CACNA2D3: variants seen among roughly 807,000 people sequenced by gnomAD.
CACNA2D3 encodes voltage-dependent calcium channel subunit alpha-2/delta-3.
In CACNA2D3, 60 loss-of-function variants were observed where a neutral mutation model predicts 160.6. That is an observed-to-expected ratio of 0.37 (90% CI 0.30 to 0.46). CACNA2D3 has a LOEUF of 0.46. Among genes scored for constraint, CACNA2D3 ranks in the 20% least tolerant of loss-of-function variants. The probability of loss-of-function intolerance (pLI) is 1.00; values close to 1 mark genes in which losing one functional copy is unlikely to be tolerated. For missense variants in CACNA2D3, 1,205 were observed against 1,365.0 expected (o/e 0.88, Z 1.85); for synonymous variants, 558 against 492.9 (o/e 1.13, Z -1.75).
intron 5 of CACNA2D3, among the ~76,000 whole-genome samples, chr3:54,553,054 A>AT (rs1702185677): frequency 6.6e-6 from 1 of 152,126 alleles, no homozygotes; most frequent in Non-Finnish European, 1.5e-5. Flanking sequence ...GTGGTTCAAC[A>AT]TTGGGCCATG....
chr3:54,933,458 A>G (rs528574307), intron 27 of CACNA2D3, among the ~76,000 whole-genome samples: 2 of 152,300 alleles, frequency 1.3e-5, no homozygotes, highest in South Asian at 2.1e-4. Context: ...CATCAGTTGG[A>G]AAAGGTACTT....
At position 54,138,828 on chromosome 3, in the gene CACNA2D3, A is replaced by G. The variant is rs116446440; in HGVS notation, c.204+15234A>G. ...ATGAAAAGGTGACTATTATATTTGC[A>G]TGTGTTTGTTTTTTGTTTTCTGAAG... On this transcript the variant is annotated intron_variant, in intron 2 of 37. Coordinates refer to ENST00000474759, the MANE Select transcript of CACNA2D3 (RefSeq NM_018398.3). Among the ~76,000 whole-genome samples, 704 of 152,292 alleles carry G rather than the reference A, an allele frequency of 4.6e-3. 10 individuals carry two copies. Among genetic ancestry groups the G allele is most frequent in the African/African-American group, 0.016 (676 of 41,568 alleles).
chr3:54,809,228 C>T (rs1703219656), intron 13 of CACNA2D3, among the ~76,000 whole-genome samples: 1 of 150,198 alleles, frequency 6.7e-6, no homozygotes, highest in Non-Finnish European at 1.5e-5. Flanking sequence ...GCTCTCATTT[C>T]TCTCTTTCTC....
Position 55,074,138 on chromosome 3 carries a change from G to T in CACNA2D3, c.3208G>T (p.Ala1070Ser). The T allele has an allele frequency of 6.2e-7, 1 of 1,613,832 alleles. No individual in the cohort carries two copies. Among genetic ancestry groups the T allele is most frequent in the African/African-American group, 1.3e-5 (1 of 75,006 alleles). The change falls in exon 38 of 38, where the codon GCG becomes TCG. Residue 1070 changes from alanine to serine, a missense_variant. Ala to Ser is a moderately conservative substitution (Grantham distance 99). Around this residue, in one of 3 missense-constraint regions of CACNA2D3, gnomAD observed 911 missense variants for 1,002.2 expected, o/e 0.91. Coordinates refer to ENST00000474759, the MANE Select transcript of CACNA2D3 (RefSeq NM_018398.3). ...GGAGAATGCAAGGGAGTGTGGGGGTGCGCCGAGTCTCCAAGCCCAGACAGT... is the reference window on the plus strand; with the variant it reads ...GGAGAATGCAAGGGAGTGTGGGGGTTCGCCGAGTCTCCAAGCCCAGACAGT... The part of the protein sequence containing the change: ...PEENARECGG[A>S]PSLQAQTVLL...
chr3:54,402,009 A>G (rs188844341), intron 4 of CACNA2D3, among the ~76,000 whole-genome samples: 1 of 152,300 alleles, frequency 6.6e-6, no homozygotes, highest in East Asian at 1.9e-4. Flanking sequence ...GGAGAGGGCA[A>G]AAGTCAAGAG....
chr3:55,026,224 T>C (rs1319298010), intron 35 of CACNA2D3, among the ~76,000 whole-genome samples: 1 of 152,134 alleles, frequency 6.6e-6, no homozygotes, highest in East Asian at 1.9e-4. Context: ...AGATGGCAAT[T>C]TGGCAGGTAA....
chr3:54,871,557 C>G lies in CACNA2D3; in HGVS notation c.1645C>G (p.Arg549Gly), dbSNP rs1553898213. 2 of 1,613,018 alleles carry G rather than the reference C, an allele frequency of 1.2e-6. No individual in the cohort carries two copies. The highest frequency in any genetic ancestry group is 2.2e-5 in the East Asian group (1 of 44,844). ...LRLLYEEGKK[R>G]RKPNYSSVDL... ...TTGCTAGTACGAAGAAGGAAAAAAG[C>G]GAAGGAAACCTAACTATAGTAGCGT... The change falls in exon 18 of 38, where the codon CGA becomes GGA. Residue 549 changes from arginine to glycine, a missense_variant. Arg to Gly is a moderately radical substitution (Grantham distance 125). Coordinates refer to ENST00000474759, the MANE Select transcript of CACNA2D3 (RefSeq NM_018398.3).
At chr3:54,149,267 G>GCACGCACA (rs1553735175) in intron 2 of CACNA2D3, among the ~76,000 whole-genome samples, 6 of 144,328 alleles carry the variant, frequency 4.2e-5, no homozygotes, top group African/African-American at 7.8e-5. Context: ...GGTCCCATGT[G>GCACGCACA]CACACACACA....
At chr3:54,832,716 G>GT (rs1703907466) in intron 14 of CACNA2D3, among the ~76,000 whole-genome samples, 1 of 152,200 alleles carries the variant, frequency 6.6e-6, no homozygotes, top group Non-Finnish European at 1.5e-5. Context: ...TTCCCAGCTA[G>GT]TTCTTCCTCT....
intron 11 of CACNA2D3, among the ~76,000 whole-genome samples, chr3:54,646,186 C>CCCTG (rs1559537958): frequency 1.5e-4 from 1 of 6,470 alleles, no homozygotes; most frequent in African/African-American, 4.0e-4. Context: ...CTCCCTCCCT[C>CCCTG]CTTCCTTGCT....
chr3:54,248,535 C>G (rs1702126752), intron 2 of CACNA2D3, among the ~76,000 whole-genome samples: 1 of 151,116 alleles, frequency 6.6e-6, no homozygotes, highest in Non-Finnish European at 1.5e-5. Context: ...GGCCCTAATC[C>G]TAATCCAGTA....
intron 5 of CACNA2D3, among the ~76,000 whole-genome samples, chr3:54,553,402 C>T (rs182263571): frequency 3.9e-5 from 6 of 152,260 alleles, no homozygotes; most frequent in African/African-American, 9.6e-5. Context: ...AAAACTCCTG[C>T]GTGGGCTCAA....
intron 4 of CACNA2D3, among the ~76,000 whole-genome samples, chr3:54,462,469 G>T (rs190703133): frequency 0.019 from 2,944 of 152,054 alleles, 73 homozygotes; most frequent in East Asian, 0.1. Flanking sequence ...CTGTATTGGG[G>T]GCATATATAT....
intron 34 of CACNA2D3, among the ~76,000 whole-genome samples, chr3:55,015,927 T>C (rs1046880673): frequency 6.6e-6 from 1 of 152,218 alleles, no homozygotes; most frequent in African/African-American, 2.4e-5. Flanking sequence ...CTGTTGGGCC[T>C]GGAGCACCTA....
At chr3:54,350,995 T>TTTTTTTTTTTTG (rs1698553226) in intron 3 of CACNA2D3, among the ~76,000 whole-genome samples, 1 of 119,276 alleles carries the variant, frequency 8.4e-6, no homozygotes, top group Non-Finnish European at 1.8e-5. Context: ...TGTTTTTTTT[T>TTTTTTTTTTTTG]TTTTTTTTTT....
At chr3:54,204,565 G>T (rs1008739898) in intron 2 of CACNA2D3, among the ~76,000 whole-genome samples, 1 of 152,136 alleles carries the variant, frequency 6.6e-6, no homozygotes, top group East Asian at 1.9e-4. Context: ...GGGAGGCCAA[G>T]GTGGGCGGAT....
intron 11 of CACNA2D3, among the ~76,000 whole-genome samples, chr3:54,719,163 C>CTTTTTTTT (rs527632302): frequency 1.8e-4 from 24 of 132,690 alleles, no homozygotes; most frequent in Admixed American, 3.0e-4. Context: ...CACTGGATTT[C>CTTTTTTTT]TTTTTTTTTT....
rs111514436 is a variant in CACNA2D3, at chr3:54,736,120, C to CATAT, written c.1168-16472_1168-16469dup. Among the ~76,000 whole-genome samples, 74 of 45,992 alleles carry CATAT rather than the reference C, an allele frequency of 1.6e-3. 9 individuals are homozygous for CATAT. Among genetic ancestry groups the CATAT allele is most frequent in the Admixed American group, 8.7e-3 (33 of 3,774 alleles). The allele number at this position is 45,992 out of a possible 152,430, so 30.2% of individuals were successfully genotyped here. A position where few individuals can be genotyped will look rare whatever the true frequency, so the allele number is the denominator to read the frequency against. On this transcript the variant is annotated intron_variant, in intron 11 of 37. Coordinates refer to ENST00000474759, the MANE Select transcript of CACNA2D3 (RefSeq NM_018398.3). ...ATATACATATATATGTATATATATA[C>CATAT]ATATATATATGTATATATATACACA...
chr3:54,467,140 A>ATACC (rs368311914), intron 4 of CACNA2D3, among the ~76,000 whole-genome samples: 1 of 152,188 alleles, frequency 6.6e-6, no homozygotes, highest in African/African-American at 2.4e-5. Context: ...AAAAGGATAC[A>ATACC]CATCATTGCG....
Sources: allele counts gnomAD v4.1 joint callset (sites outside exome capture counted in the v4.1 genomes callset), GRCh38; gene constraint gnomAD v4.1.1; regional missense constraint gnomAD v4.1.1; transcripts MANE v1.5; gene names NCBI Gene and HGNC (gene_info 2026-07-23, HGNC 2026-07-21).